GLIS3: variants seen among roughly 807,000 people sequenced by gnomAD.
The protein encoded by GLIS3 is GLIS family zinc finger 3, also known as zinc finger protein GLIS3.
Under a neutral mutation model 78.6 loss-of-function variants are expected in GLIS3, and 53 were observed. The ratio of observed to expected loss-of-function variants is 0.67; its 90% CI spans 0.54 to 0.85. The LOEUF (loss-of-function observed/expected upper bound fraction) is 0.85. Ranked by LOEUF, GLIS3 falls within the 40% of genes least tolerant of loss-of-function variation. GLIS3 has a pLI of 0.00. For missense variants in GLIS3, 1,703 were observed against 1,231.1 expected (o/e 1.38, Z -5.74); for synonymous variants, 684 against 509.9 (o/e 1.34, Z -4.60).
the GLIS3 span, among the ~76,000 whole-genome samples, chr9:4,471,856 G>A: frequency 0.35 from 53,643 of 151,978 alleles, 10,233 homozygotes; most frequent in Middle Eastern, 0.49. Flanking sequence ...CAATCTACCC[G>A]TCTGACAGAG....
intron 9 of GLIS3, among the ~76,000 whole-genome samples, chr9:3,833,120 G>A (rs1272330430): frequency 1.3e-5 from 2 of 152,198 alleles, no homozygotes; most frequent in Admixed American, 1.3e-4. Context: ...ATCTGAGCGA[G>A]GAGGACAGAG....
chr9:4,331,013 G>A (rs1271274260), intron 2 of GLIS3, among the ~76,000 whole-genome samples: 1 of 152,178 alleles, frequency 6.6e-6, no homozygotes. Context: ...CTGTCCGGGA[G>A]CAAACAGGCC....
At chr9:3,930,669 T>C (rs574508177) in intron 6 of GLIS3, among the ~76,000 whole-genome samples, 1 of 152,358 alleles carries the variant, frequency 6.6e-6, no homozygotes, top group East Asian at 1.9e-4. Context: ...TTTGTCTAGA[T>C]AGGGGACCGA....
At chr9:4,177,561 C>T (rs943559944) in intron 2 of GLIS3, among the ~76,000 whole-genome samples, 5 of 152,166 alleles carry the variant, frequency 3.3e-5, no homozygotes, top group African/African-American at 1.2e-4. Flanking sequence ...TGAGATACCA[C>T]AGAGGAACCC....
At chr9:3,999,312 C>G (rs981566847) in intron 4 of GLIS3, among the ~76,000 whole-genome samples, 2 of 152,118 alleles carry the variant, frequency 1.3e-5, no homozygotes, top group African/African-American at 4.8e-5. Flanking sequence ...AAATTGTTAG[C>G]TGGAAAGATA....
chr9:4,025,055 G>C lies in GLIS3; in HGVS notation c.1711-87866C>G, dbSNP rs117718032. ...CCTTGAGGTCAGGAGTTCGAGACCA[G>C]CCTGGTCAAAATGGCGAGACCCCCA... On this transcript the variant is annotated intron_variant, in intron 4 of 10. Transcript: ENST00000381971. Among the ~76,000 whole-genome samples the C allele has an allele frequency of 7.3e-3, 1,107 of 150,866 alleles. 9 individuals are homozygous for C. The highest frequency in any genetic ancestry group is 0.028 in the Middle Eastern group (8 of 290).
chr9:4,155,865 G>C (rs756390155), intron 2 of GLIS3, among the ~76,000 whole-genome samples: 3 of 152,086 alleles, frequency 2.0e-5, no homozygotes, highest in African/African-American at 4.8e-5. Context: ...GATGCTGCAG[G>C]TCCTCAGGCC....
the GLIS3 span, among the ~76,000 whole-genome samples, chr9:4,375,846 T>C: frequency 4.6e-5 from 7 of 152,156 alleles, no homozygotes; most frequent in African/African-American, 1.7e-4. Context: ...TCTCCTGTCG[T>C]GATAGTAAGT....
intron 2 of GLIS3, among the ~76,000 whole-genome samples, chr9:4,166,331 A>C (rs935882764): frequency 8.5e-5 from 13 of 152,324 alleles, no homozygotes; most frequent in Middle Eastern, 3.4e-3. Flanking sequence ...GAAGGGTGGA[A>C]AGGAAAGCTG....
intron 2 of GLIS3, among the ~76,000 whole-genome samples, chr9:4,193,134 C>T (rs1421109433): frequency 6.6e-6 from 1 of 152,222 alleles, no homozygotes; most frequent in Non-Finnish European, 1.5e-5. Context: ...TTAGCTAATT[C>T]TGGTAACCAG....
rs541512634 is a variant in GLIS3 at position 4,224,877 on chromosome 9, C to G, written c.388+61161G>C. 2.0e-5 allele frequency among the ~76,000 whole-genome samples: 3 copies of G among 152,098 alleles called. No homozygotes were observed. The South Asian group carries it at 6.2e-4, about 32-fold the overall frequency. ...TTTTCAAACACTGTCAATATACCAA[C>G]CAATGTAATGTTCTGGTATACATAA... On this transcript the variant is annotated intron_variant, in intron 2 of 10. Transcript: ENST00000381971.
intron 9 of GLIS3, among the ~76,000 whole-genome samples, chr9:3,837,864 C>G (rs995091517): frequency 6.6e-6 from 1 of 152,102 alleles, no homozygotes; most frequent in African/African-American, 2.4e-5. Context: ...AACTCATAGG[C>G]TGTACAAGAG....
At chr9:4,321,309 C>T (rs1387760216) in intron 2 of GLIS3, among the ~76,000 whole-genome samples, 2 of 131,086 alleles carry the variant, frequency 1.5e-5, no homozygotes. Context: ...GTAGTCCCAG[C>T]TACTCGGGAG....
chr9:4,150,116 G>A (rs1302294618), intron 2 of GLIS3, among the ~76,000 whole-genome samples: 1 of 152,102 alleles, frequency 6.6e-6, no homozygotes, highest in Non-Finnish European at 1.5e-5. Context: ...GTAAAGAAGA[G>A]CTTCCCCAGA....
At chr9:4,204,704 G>A (rs1173002938) in intron 2 of GLIS3, among the ~76,000 whole-genome samples, 1 of 152,076 alleles carries the variant, frequency 6.6e-6, no homozygotes, top group Non-Finnish European at 1.5e-5. Flanking sequence ...GACTGCCTGA[G>A]CTCAGGAGTT....
At chr9:4,177,253 G>T (rs1158126246) in intron 2 of GLIS3, among the ~76,000 whole-genome samples, 2 of 152,126 alleles carry the variant, frequency 1.3e-5, no homozygotes, top group Non-Finnish European at 2.9e-5. Context: ...GTCTCTTCAT[G>T]ACTCTGCCCA....
At chr9:4,436,578 G>A in the GLIS3 span, among the ~76,000 whole-genome samples, 1 of 152,082 alleles carries the variant, frequency 6.6e-6, no homozygotes, top group Non-Finnish European at 1.5e-5. Flanking sequence ...GCCAAGGCGG[G>A]TGGATCACCT....
chr9:4,152,915 T>C (rs550271941), intron 2 of GLIS3, among the ~76,000 whole-genome samples: 1 of 152,344 alleles, frequency 6.6e-6, no homozygotes, highest in Admixed American at 6.5e-5. Flanking sequence ...ATAATAAGTA[T>C]GTTCATTCTT....
the GLIS3 span, among the ~76,000 whole-genome samples, chr9:4,416,749 A>G: frequency 2.7e-5 from 4 of 150,046 alleles, no homozygotes; most frequent in Non-Finnish European, 5.9e-5. Context: ...GCCTCCACTA[A>G]GTTCCTCTGA....
Sources: allele counts gnomAD v4.1 joint callset (sites outside exome capture counted in the v4.1 genomes callset), GRCh38; gene constraint gnomAD v4.1.1; transcripts MANE v1.5; gene names NCBI Gene and HGNC (gene_info 2026-07-23, HGNC 2026-07-21).